The following RAD51B variants were observed in gnomAD, a reference collection of about 807,000 sequenced individuals.
RAD51B encodes the protein DNA repair protein RAD51 homolog 2.
A neutral mutation model predicts 42.2 loss-of-function variants in RAD51B; 38 were observed. The ratio of observed to expected loss-of-function variants is 0.90; its 90% CI spans 0.70 to 1.18. RAD51B has a LOEUF of 1.18. Among genes scored for constraint, RAD51B ranks in the 50% most tolerant of loss-of-function variants. The pLI is 0.00. For synonymous variants in RAD51B, 154 were observed against 145.2 expected, an observed-to-expected ratio of 1.06 and a Z score of -0.43; for missense variants, 373 against 400.7, an observed-to-expected ratio of 0.93 and a Z score of 0.59.
intron 7 of RAD51B, among the ~76,000 whole-genome samples, chr14:68,143,654 T>A (rs1166603297): frequency 6.6e-6 from 1 of 152,238 alleles, no homozygotes; most frequent in Non-Finnish European, 1.5e-5. Context: ...TTTGTGCCTT[T>A]TGGCTACACT....
intron 9 of RAD51B, among the ~76,000 whole-genome samples, chr14:68,435,192 A>G (rs1044167097): frequency 6.6e-6 from 1 of 151,904 alleles, no homozygotes; most frequent in African/African-American, 2.4e-5. Flanking sequence ...CCTCTTCCCC[A>G]TCTAGTTCCC....
chr14:67,880,058 C>T (rs2140035703), intron 5 of RAD51B, among the ~76,000 whole-genome samples: 1 of 152,258 alleles, frequency 6.6e-6, no homozygotes, highest in African/African-American at 2.4e-5. Context: ...TATTGGTTCA[C>T]TGTCTTATGG....
At chr14:67,823,482 C>T in intron 1 of RAD51B, 60 bp from the exon 2 acceptor site, 1 of 1,439,480 alleles carries the variant, frequency 6.9e-7, no homozygotes, top group Non-Finnish European at 9.7e-7. Flanking sequence ...TATTCACTAT[C>T]ACTTATGTTA....
intron 7 of RAD51B, among the ~76,000 whole-genome samples, chr14:67,973,893 C>T (rs1389015660): frequency 6.6e-6 from 1 of 152,146 alleles, no homozygotes. Flanking sequence ...AACTTCACCT[C>T]ATTTTCTTAT....
chr14:68,097,935 C>T (rs2077222551), intron 7 of RAD51B, among the ~76,000 whole-genome samples: 1 of 152,222 alleles, frequency 6.6e-6, no homozygotes, highest in Non-Finnish European at 1.5e-5. Context: ...CATCACGTGG[C>T]TGCATACTCC....
chr14:68,034,819 G>A (rs2076096892), intron 7 of RAD51B, among the ~76,000 whole-genome samples: 1 of 152,150 alleles, frequency 6.6e-6, no homozygotes, highest in East Asian at 1.9e-4. Flanking sequence ...GGGAAAAATA[G>A]TAAGCCATTT....
chr14:68,379,025 C>T (rs371432874), intron 8 of RAD51B, among the ~76,000 whole-genome samples: 1 of 152,204 alleles, frequency 6.6e-6, no homozygotes, highest in Admixed American at 6.5e-5. Flanking sequence ...CAAATACATA[C>T]TAGGTACCTG....
Position 68,477,628 on chromosome 14 carries a change from T to C in RAD51B, c.1037-20T>C, listed in dbSNP as rs554074436. ...AATTTTTTTTTTTCAAACTTTCTCT[T>C]TTTTTTTTTTTTCCTTTAGGCCAAG... On this transcript the variant is annotated intron_variant, in intron 10 of 10. Transcript: ENST00000471583. 2.8e-5 allele frequency: 23 copies of C among 817,250 alleles called. No individual in the cohort carries two copies. The highest frequency in any genetic ancestry group is 4.6e-5 in the South Asian group (2 of 43,380). 50.6% of individuals were successfully genotyped at this position (817,250 alleles called of 1,614,324 possible). A position where few individuals can be genotyped will look rare whatever the true frequency, so the allele number is the denominator to read the frequency against.
At chr14:68,673,402 TAC>T (rs757438017) in intron 11 of RAD51B, among the ~76,000 whole-genome samples, 1 of 119,188 alleles carries the variant, frequency 8.4e-6, no homozygotes. Context: ...TGCACACACA[TAC>T]ACACACATAC....
At chr14:68,334,784 A>G (rs1442268816) in intron 8 of RAD51B, among the ~76,000 whole-genome samples, 3 of 151,570 alleles carry the variant, frequency 2.0e-5, no homozygotes, top group East Asian at 3.9e-4. Flanking sequence ...TGTGATTGGC[A>G]TACTTTACTT....
intron 8 of RAD51B, chr14:68,339,666 T>G (rs948416343): frequency 1.5e-5 from 3 of 199,104 alleles, no homozygotes; most frequent in African/African-American, 2.4e-5. Context: ...TTTTCATATA[T>G]CAGGGGTGAT....
chr14:67,847,026 A>G (rs2041639711), intron 4 of RAD51B, among the ~76,000 whole-genome samples: 1 of 151,564 alleles, frequency 6.6e-6, no homozygotes, highest in Admixed American at 6.6e-5. Context: ...TTTGTTTTTC[A>G]CCTCTTCAAC....
intron 7 of RAD51B, among the ~76,000 whole-genome samples, chr14:68,064,509 T>A (rs555317857): frequency 4.1e-4 from 62 of 152,254 alleles, no homozygotes; most frequent in Non-Finnish European, 8.5e-4. Context: ...ACTTGGGTAG[T>A]TCTCAGCTAT....
intron 7 of RAD51B, among the ~76,000 whole-genome samples, chr14:67,941,145 A>C (rs1013411430): frequency 1.3e-5 from 2 of 152,306 alleles, no homozygotes; most frequent in East Asian, 3.9e-4. Context: ...GACATTGTTC[A>C]TGGTCCTTCT....
At chr14:67,998,956 C>A (rs1329836349) in intron 7 of RAD51B, among the ~76,000 whole-genome samples, 2 of 152,090 alleles carry the variant, frequency 1.3e-5, no homozygotes, top group African/African-American at 2.4e-5. Context: ...AGCTCTTCCT[C>A]TTTAGCACTC....
At chr14:68,452,990 T>TA (rs1399600413) in intron 9 of RAD51B, among the ~76,000 whole-genome samples, 2 of 152,170 alleles carry the variant, frequency 1.3e-5, no homozygotes, top group Non-Finnish European at 2.9e-5. Context: ...TGATAATAGC[T>TA]AAAAAATTGT....
At chr14:68,366,731 C>A (rs1272467475) in intron 8 of RAD51B, among the ~76,000 whole-genome samples, 2 of 152,162 alleles carry the variant, frequency 1.3e-5, no homozygotes, top group Non-Finnish European at 2.9e-5. Context: ...GGCTTGTTGT[C>A]CCACACCCTA....
intron 10 of RAD51B, among the ~76,000 whole-genome samples, chr14:68,477,409 G>T (rs1417503478): frequency 6.6e-6 from 1 of 152,106 alleles, no homozygotes; most frequent in Non-Finnish European, 1.5e-5. Flanking sequence ...ACCCAGTGCA[G>T]CGACACTCCC....
chr14:68,015,557 C>T (rs927568820), intron 7 of RAD51B, among the ~76,000 whole-genome samples: 2 of 152,040 alleles, frequency 1.3e-5, no homozygotes, highest in African/African-American at 4.8e-5. Flanking sequence ...GAGAAGAGGG[C>T]GCGTACAGAA....
Sources: gnomAD v4.1 joint callset for allele counts (sites outside exome capture counted in the v4.1 genomes callset) on GRCh38, gnomAD v4.1.1 for gene constraint, MANE v1.5 for transcripts, NCBI Gene and HGNC (gene_info 2026-07-23, HGNC 2026-07-21) for gene names.